Variants in MCTP1 observed in about 807,000 individuals in gnomAD.
MCTP1 encodes multiple C2 and transmembrane domain containing 1.
In MCTP1, 69 loss-of-function variants were observed where a neutral mutation model predicts 120.6. The ratio of observed to expected loss-of-function variants is 0.57; its 90% CI spans 0.47 to 0.70. MCTP1 has a LOEUF of 0.70. Ranked by LOEUF, MCTP1 falls within the 30% of genes least tolerant of loss-of-function variation. The probability of loss-of-function intolerance (pLI) is 0.00; values close to 1 mark genes in which losing one functional copy is unlikely to be tolerated. For missense variants in MCTP1, 1,203 were observed against 1,248.8 expected (o/e 0.96, Z 0.55); for synonymous variants, 529 against 493.1 (o/e 1.07, Z -0.96).
intron 1 of MCTP1, among the ~76,000 whole-genome samples, chr5:95,175,327 T>C (rs1265315866): frequency 2.0e-5 from 3 of 152,200 alleles, no homozygotes; most frequent in Non-Finnish European, 1.5e-5. Flanking sequence ...AACTGCCCTT[T>C]AGCAGGCAAA....
At chr5:95,135,124 T>A (rs2152429352) in intron 1 of MCTP1, among the ~76,000 whole-genome samples, 1 of 141,972 alleles carries the variant, frequency 7.0e-6, no homozygotes. Context: ...ATAGTTCCAA[T>A]ACCAGTATAA....
rs1026118872 is a variant in MCTP1, at chr5:94,703,827, C to T, written c.*3669G>A. The T allele has an allele frequency of 6.6e-6, 1 of 151,104 alleles. No individual in the cohort carries two copies. Among genetic ancestry groups the T allele is most frequent in the African/African-American group, 2.4e-5 (1 of 41,248 alleles). 9.4% of individuals were successfully genotyped at this position (151,104 alleles called of 1,614,324 possible). A position where few individuals can be genotyped will look rare whatever the true frequency, so the allele number is the denominator to read the frequency against. ...TTCTACATTGTATGATTGCTTTGGA[C>T]ATTTGATAGTTTTTATTTGCATACT... On this transcript the variant is annotated 3_prime_UTR_variant, in exon 23 of 23. Coordinates refer to ENST00000515393, the MANE Select transcript of MCTP1 (RefSeq NM_024717.7).
chr5:94,960,067 C>A (rs895080353), intron 2 of MCTP1, among the ~76,000 whole-genome samples: 5 of 152,170 alleles, frequency 3.3e-5, no homozygotes, highest in Non-Finnish European at 7.3e-5. Context: ...GATACCAAAA[C>A]AGACATATAG....
chr5:94,972,876 A>G (rs1205411923), intron 2 of MCTP1, among the ~76,000 whole-genome samples: 1 of 151,282 alleles, frequency 6.6e-6, no homozygotes, highest in Non-Finnish European at 1.5e-5. Context: ...TAGCCTGGCC[A>G]TTCTTAGGCA....
chr5:94,938,387 A>G (rs139803176), intron 5 of MCTP1, among the ~76,000 whole-genome samples: 49 of 152,020 alleles, frequency 3.2e-4, no homozygotes, highest in Non-Finnish European at 6.2e-4. Context: ...TAGTTTTTTA[A>G]TTCTTGAAAT....
chr5:95,031,272 A>G (rs1840231410), intron 1 of MCTP1, among the ~76,000 whole-genome samples: 1 of 152,146 alleles, frequency 6.6e-6, no homozygotes, highest in Admixed American at 6.6e-5. Context: ...AGATACAGGA[A>G]ACTCAGAGAA....
chr5:95,187,017 C>A (rs1030279592), intron 1 of MCTP1, among the ~76,000 whole-genome samples: 1 of 152,176 alleles, frequency 6.6e-6, no homozygotes, highest in Non-Finnish European at 1.5e-5. Context: ...CAAATTAGTA[C>A]AACTACTATG....
intron 1 of MCTP1, among the ~76,000 whole-genome samples, chr5:95,239,328 G>A (rs1005528316): frequency 1.3e-5 from 2 of 152,178 alleles, no homozygotes; most frequent in East Asian, 3.9e-4. Flanking sequence ...ATCATTGTCC[G>A]AGCACTCAAT....
At chr5:95,158,711 A>C (rs1373099411) in intron 1 of MCTP1, among the ~76,000 whole-genome samples, 2 of 151,566 alleles carry the variant, frequency 1.3e-5, no homozygotes, top group East Asian at 1.9e-4. Context: ...GGATCACTTG[A>C]CCTCACAAGT....
chr5:95,242,542 G>A (rs766076690), intron 1 of MCTP1, among the ~76,000 whole-genome samples: 13 of 152,118 alleles, frequency 8.5e-5, no homozygotes, highest in Non-Finnish European at 1.3e-4. Flanking sequence ...ATATCTGTAC[G>A]TTGGAATACT....
intron 16 of MCTP1, 70 bp downstream of exon 16, chr5:94,870,347 G>T: frequency 9.5e-7 from 1 of 1,057,622 alleles, no homozygotes; most frequent in Non-Finnish European, 1.4e-6. Flanking sequence ...AAGTTTATTT[G>T]AATTTACTTA....
At chr5:95,082,037 C>G (rs1755009121) in intron 1 of MCTP1, among the ~76,000 whole-genome samples, 1 of 152,032 alleles carries the variant, frequency 6.6e-6, no homozygotes, top group Non-Finnish European at 1.5e-5. Context: ...ACATTCCCAT[C>G]GGTATAAAAA....
At chr5:95,240,826 C>A (rs1381716648) in intron 1 of MCTP1, among the ~76,000 whole-genome samples, 1 of 151,984 alleles carries the variant, frequency 6.6e-6, no homozygotes, top group African/African-American at 2.4e-5. Context: ...CTTTTATTAT[C>A]CACATTCTTT....
intron 18 of MCTP1, among the ~76,000 whole-genome samples, chr5:94,784,424 C>G (rs1312394450): frequency 6.6e-6 from 1 of 152,064 alleles, no homozygotes; most frequent in Non-Finnish European, 1.5e-5. Context: ...TACCAAAGGT[C>G]AGGCTAAAGA....
chr5:94,810,740 A>G (rs1783238545), intron 17 of MCTP1, among the ~76,000 whole-genome samples: 1 of 151,936 alleles, frequency 6.6e-6, no homozygotes, highest in Non-Finnish European at 1.5e-5. Context: ...ACTTTTTTCC[A>G]CTCAAATTAT....
chr5:94,897,420 G>A lies in MCTP1; in HGVS notation c.1653-2585C>T, dbSNP rs552726587. ...CGCCCAGGCTGGAGTGCAGTGGCGC[G>A]ATCTCAACTCACCGTAACCTCTGTC... On this transcript the variant is annotated intron_variant, in intron 10 of 22. Transcript: ENST00000515393. Among the ~76,000 whole-genome samples the A allele has an allele frequency of 3.0e-4, 46 of 152,108 alleles. 1 individual carries two copies. The South Asian group carries it at 7.9e-3, about 26-fold the overall frequency.
intron 1 of MCTP1, among the ~76,000 whole-genome samples, chr5:95,186,919 A>G (rs1749270696): frequency 6.6e-6 from 1 of 152,222 alleles, no homozygotes; most frequent in African/African-American, 2.4e-5. Flanking sequence ...ATGAAAGTTA[A>G]AATGGCTTAT....
chr5:94,820,478 G>A (rs1396401511), intron 17 of MCTP1, among the ~76,000 whole-genome samples: 1 of 152,174 alleles, frequency 6.6e-6, no homozygotes, highest in Non-Finnish European at 1.5e-5. Flanking sequence ...AATAATCACA[G>A]TCATGCTCTT....
intron 13 of MCTP1, among the ~76,000 whole-genome samples, chr5:94,872,087 A>G (rs1307256972): frequency 1.3e-5 from 2 of 152,134 alleles, no homozygotes; most frequent in Non-Finnish European, 2.9e-5. Context: ...TTATTTCTGG[A>G]AAATAAGTGC....
Sources: gnomAD v4.1 joint callset for allele counts (sites outside exome capture counted in the v4.1 genomes callset) on GRCh38, gnomAD v4.1.1 for gene constraint, MANE v1.5 for transcripts, NCBI Gene and HGNC (gene_info 2026-07-23, HGNC 2026-07-21) for gene names.